CSGALNACT1: variants seen among roughly 807,000 people sequenced by gnomAD.
CSGALNACT1 encodes the protein chondroitin sulfate N-acetylgalactosaminyltransferase 1, also known as beta4GalNAcT-1.
CSGALNACT1 carries 52 observed loss-of-function variants against 51.0 expected under a neutral mutation model. The observed-to-expected ratio is 1.02, with a 90% confidence interval of 0.82 to 1.29. The LOEUF (loss-of-function observed/expected upper bound fraction) is 1.29, where lower values mean the gene tolerates loss of function less well. Among genes scored for constraint, CSGALNACT1 ranks in the 50% most tolerant of loss-of-function variants. The pLI is 0.00. For missense variants in CSGALNACT1, 935 were observed against 679.2 expected (o/e 1.38, Z -4.19); for synonymous variants, 341 against 254.4 (o/e 1.34, Z -3.24).
intron 3 of CSGALNACT1, among the ~76,000 whole-genome samples, chr8:19,578,333 A>G (rs2044748025): frequency 6.6e-6 from 1 of 152,160 alleles, no homozygotes; most frequent in African/African-American, 2.4e-5. Context: ...TGGAGTGACC[A>G]TTTGTCATGC....
chr8:19,404,333 C>T (rs562936755), exon 10 of CSGALNACT1: 1 of 453,688 alleles, frequency 2.2e-6, no homozygotes, highest in Admixed American at 2.4e-5. Context: ...TGTGAGCAAA[C>T]AGAAGCAAGG....
chr8:19,675,514 G>C (rs1342150736), intron 1 of CSGALNACT1, among the ~76,000 whole-genome samples: 4 of 151,926 alleles, frequency 2.6e-5, no homozygotes, highest in African/African-American at 9.7e-5. Flanking sequence ...CCCCCAGACA[G>C]AGTCTCCTCT....
chr8:19,530,162 A>C (rs1191465149), intron 3 of CSGALNACT1, among the ~76,000 whole-genome samples: 1 of 152,184 alleles, frequency 6.6e-6, no homozygotes, highest in Non-Finnish European at 1.5e-5. Flanking sequence ...CAGAGGTTGC[A>C]GTGAGCCAAG....
chr8:19,552,623 T>C (rs2088460235), intron 3 of CSGALNACT1, among the ~76,000 whole-genome samples: 1 of 152,242 alleles, frequency 6.6e-6, no homozygotes, highest in Non-Finnish European at 1.5e-5. Context: ...ATGGACTTTT[T>C]ATACATTAAA....
chr8:19,583,630 G>A (rs548018533), intron 3 of CSGALNACT1, among the ~76,000 whole-genome samples: 1 of 152,280 alleles, frequency 6.6e-6, no homozygotes, highest in Non-Finnish European at 1.5e-5. Flanking sequence ...CAGCAGAGAA[G>A]TACATTCAAT....
At chr8:19,467,422 G>A (rs933394199) in intron 4 of CSGALNACT1, among the ~76,000 whole-genome samples, 5 of 151,988 alleles carry the variant, frequency 3.3e-5, no homozygotes, top group East Asian at 3.9e-4. Context: ...CACCTGGCCA[G>A]TACTAGCAGT....
intron 4 of CSGALNACT1, among the ~76,000 whole-genome samples, chr8:19,495,821 T>A (rs898537573): frequency 1.3e-5 from 2 of 152,182 alleles, no homozygotes; most frequent in African/African-American, 2.4e-5. Context: ...CTTCAGCCAG[T>A]GCTGTGTCTC....
At chr8:19,437,511 C>G (rs1357428088) in intron 6 of CSGALNACT1, among the ~76,000 whole-genome samples, 3 of 151,978 alleles carry the variant, frequency 2.0e-5, no homozygotes, top group Non-Finnish European at 4.4e-5. Context: ...GGTGGCCTGA[C>G]CAGCAACACC....
At chr8:19,521,405 C>T (rs778991411) in intron 3 of CSGALNACT1, among the ~76,000 whole-genome samples, 4 of 152,180 alleles carry the variant, frequency 2.6e-5, no homozygotes, top group Non-Finnish European at 5.9e-5. Flanking sequence ...CCCAGGGGGC[C>T]GGCACGGTGA....
intron 2 of CSGALNACT1, among the ~76,000 whole-genome samples, chr8:19,599,571 AAG>A (rs772793820): frequency 3.3e-5 from 5 of 151,954 alleles, no homozygotes; most frequent in Non-Finnish European, 7.4e-5. Flanking sequence ...GAAAGAAAGA[AAG>A]AGAGAGAAAG....
intron 1 of CSGALNACT1, among the ~76,000 whole-genome samples, chr8:19,755,526 T>C (rs1563240363): frequency 7.4e-6 from 1 of 135,838 alleles, no homozygotes; most frequent in African/African-American, 2.7e-5. Context: ...GGCACTAGGA[T>C]AAGTTCCCAA....
intron 1 of CSGALNACT1, among the ~76,000 whole-genome samples, chr8:19,629,960 G>A (rs1257785456): frequency 6.6e-6 from 1 of 152,168 alleles, no homozygotes; most frequent in African/African-American, 2.4e-5. Flanking sequence ...AAAGTTGTGT[G>A]TAAGTCAACA....
At chr8:19,634,752 A>AT (rs1199150049) in intron 1 of CSGALNACT1, among the ~76,000 whole-genome samples, 1 of 152,182 alleles carries the variant, frequency 6.6e-6, no homozygotes, top group Non-Finnish European at 1.5e-5. Flanking sequence ...CTACAAGCCA[A>AT]TAAGAGAGCC....
chr8:19,733,176 TG>T (rs1365108551), intron 1 of CSGALNACT1, among the ~76,000 whole-genome samples: 1 of 152,360 alleles, frequency 6.6e-6, no homozygotes, highest in South Asian at 2.1e-4. Context: ...CTGTTTCTTT[TG>T]TTTTACATAG....
chr8:19,556,384 GA>G (rs35965072), intron 3 of CSGALNACT1, among the ~76,000 whole-genome samples: 2,919 of 119,652 alleles, frequency 0.024, 70 homozygotes, highest in African/African-American at 0.069. Context: ...TCTCTCAAAA[GA>G]AAAAAAAAAA....
At chr8:19,738,910 G>GA (rs2064146200) in intron 1 of CSGALNACT1, among the ~76,000 whole-genome samples, 1 of 152,106 alleles carries the variant, frequency 6.6e-6, no homozygotes, top group Admixed American at 6.6e-5. Flanking sequence ...ATATGAGGAA[G>GA]AGGACTTTCA....
intron 3 of CSGALNACT1, among the ~76,000 whole-genome samples, chr8:19,568,808 T>C (rs2154106637): frequency 6.6e-6 from 1 of 152,304 alleles, no homozygotes; most frequent in Non-Finnish European, 1.5e-5. Context: ...AGCTCCCTGT[T>C]AGAGCTACCT....
intron 3 of CSGALNACT1, among the ~76,000 whole-genome samples, chr8:19,558,069 T>C (rs1429936535): frequency 6.6e-6 from 1 of 152,222 alleles, no homozygotes; most frequent in African/African-American, 2.4e-5. Context: ...GACAAGGAAA[T>C]TGTACTGCAT....
upstream of CSGALNACT1, among the ~76,000 whole-genome samples, chr8:19,605,013 A>G (rs1447940753): frequency 1.3e-5 from 2 of 151,902 alleles, no homozygotes; most frequent in Non-Finnish European, 2.9e-5. Context: ...TAAGGCTGCC[A>G]TGTTGGCCTC....
Sources: gnomAD v4.1 joint callset for allele counts (sites outside exome capture counted in the v4.1 genomes callset) on GRCh38, gnomAD v4.1.1 for gene constraint, MANE v1.5 for transcripts, NCBI Gene and HGNC (gene_info 2026-07-23, HGNC 2026-07-21) for gene names.